ANAPC7: variants seen among roughly 807,000 people sequenced by gnomAD.
ANAPC7 encodes the protein anaphase promoting complex subunit 7, also known as anaphase-promoting complex subunit 7.
Under a neutral mutation model 63.3 loss-of-function variants are expected in ANAPC7, and 25 were observed. The ratio of observed to expected loss-of-function variants is 0.39; its 90% CI spans 0.29 to 0.55. The LOEUF is 0.55. Ranked by LOEUF, ANAPC7 falls within the 20% of genes least tolerant of loss-of-function variation. ANAPC7 has a pLI of 0.57. For missense variants in ANAPC7, 516 were observed against 691.7 expected (o/e 0.75, Z 2.85); for synonymous variants, 241 against 251.7 (o/e 0.96, Z 0.40).
intron 1 of ANAPC7, among the ~76,000 whole-genome samples, chr12:110,402,332 ATTTT>A (rs758118135): frequency 6.9e-6 from 1 of 144,244 alleles, no homozygotes; most frequent in South Asian, 2.3e-4. Flanking sequence ...GCAATAAAGG[ATTTT>A]TTTTTTTTTT....
chr12:110,375,633 G>T, intron 10 of ANAPC7: 1 of 833,062 alleles, frequency 1.2e-6, no homozygotes, highest in Non-Finnish European at 1.4e-6. Flanking sequence ...ACTTGCCCAA[G>T]ATCACAGGTG....
At chr12:110,400,752 G>T (rs898388346) in intron 1 of ANAPC7, among the ~76,000 whole-genome samples, 1 of 151,824 alleles carries the variant, frequency 6.6e-6, no homozygotes, top group African/African-American at 2.4e-5. Context: ...AAGGTCCAAA[G>T]CACATTAATG....
intron 8 of ANAPC7, 118 bp from the exon 9 acceptor site, chr12:110,377,735 G>A (rs1482687454): frequency 9.9e-6 from 15 of 1,522,758 alleles, no homozygotes; most frequent in South Asian, 6.4e-5. Flanking sequence ...GGCAGGCCAC[G>A]GGAAACTGAT....
intron 3 of ANAPC7, among the ~76,000 whole-genome samples, chr12:110,393,146 C>T (rs1883248982): frequency 6.6e-6 from 1 of 152,036 alleles, no homozygotes; most frequent in African/African-American, 2.4e-5. Flanking sequence ...CTATAATATG[C>T]TGCCAAATCA....
At chr12:110,381,423 G>T (rs755099459) in intron 8 of ANAPC7, among the ~76,000 whole-genome samples, 1 of 152,040 alleles carries the variant, frequency 6.6e-6, no homozygotes, top group Non-Finnish European at 1.5e-5. Context: ...TGCAACCTCC[G>T]CCTCCCAGGT....
Position 110,374,014 on chromosome 12 carries a change from G to T in ANAPC7, c.*130C>A. On this transcript the variant is annotated 3_prime_UTR_variant, in exon 11 of 11. Coordinates refer to ENST00000455511, the MANE Select transcript of ANAPC7 (RefSeq NM_016238.3). ...GTCACGACTAGGAATTGGGAGCGAG[G>T]GGGCAGAGACCCCTGCTGCAATCAC... The T allele has an allele frequency of 1.9e-6, 2 of 1,061,438 alleles. No homozygotes were observed. Among genetic ancestry groups the T allele is most frequent in the Non-Finnish European group, 2.6e-6 (2 of 760,310 alleles). 65.8% of individuals were successfully genotyped at this position (1,061,438 alleles called of 1,614,324 possible).
At position 110,374,918 on chromosome 12, in the gene ANAPC7, C is replaced by T. The variant is rs1480367262; in HGVS notation, c.1509-585G>A. 2.6e-5 allele frequency among the ~76,000 whole-genome samples: 4 copies of T among 151,852 alleles called. No individual in the cohort carries two copies. The East Asian group carries it at 7.8e-4, about 29-fold the overall frequency. ...CAGCTGAGTGTCAGTACATACGCCA[C>T]CCCCACCCCCAAAGTTCAGAGCCTC... On this transcript the variant is annotated intron_variant, in intron 10 of 10. Transcript: ENST00000455511.
chr12:110,386,292 A>G lies in ANAPC7; in HGVS notation c.817+35T>C, dbSNP rs373539186. ...CTATTATCTCTGATCCCCCCCAACA[A>G]CAGCCACTGTCTTCCTGCCCCAAGA... On this transcript the variant is annotated intron_variant, in intron 6 of 10. Coordinates refer to ENST00000455511, the MANE Select transcript of ANAPC7 (RefSeq NM_016238.3). 47 of 1,612,122 alleles carry G rather than the reference A, an allele frequency of 2.9e-5. No homozygotes were observed. In the Admixed American group the frequency reaches 4.5e-4, roughly 15 times the overall value.
intron 5 of ANAPC7, chr12:110,387,433 C>CAGAG (rs1882709842): frequency 2.5e-5 from 1 of 40,284 alleles, no homozygotes; most frequent in Non-Finnish European, 4.4e-5. Context: ...GAGAGAGAGA[C>CAGAG]CGACCTTGTC....
intron 6 of ANAPC7, among the ~76,000 whole-genome samples, chr12:110,386,123 A>G (rs770740746): frequency 1.2e-4 from 19 of 152,200 alleles, no homozygotes; most frequent in Non-Finnish European, 2.2e-4. Flanking sequence ...AGACACTTGA[A>G]TTCAAGCAAA....
intron 3 of ANAPC7, among the ~76,000 whole-genome samples, chr12:110,390,633 T>C (rs1346097011): frequency 1.3e-5 from 2 of 152,168 alleles, no homozygotes; most frequent in East Asian, 1.9e-4. Context: ...ATACTAAAAA[T>C]AAAACTATTT....
intron 4 of ANAPC7, 131 bp downstream of exon 4, chr12:110,388,381 G>A (rs912252717): frequency 6.0e-6 from 4 of 671,564 alleles, no homozygotes; most frequent in Non-Finnish European, 7.5e-6. Context: ...GTGACAACAG[G>A]AATCCTACTA....
At chr12:110,382,496 T>TATATA (rs1566264542) in intron 7 of ANAPC7, among the ~76,000 whole-genome samples, 17 of 80,036 alleles carry the variant, frequency 2.1e-4, no homozygotes, top group African/African-American at 7.1e-4. Flanking sequence ...ATATATATAT[T>TATATA]TATAGAGACA....
At chr12:110,396,694 T>TTA (rs398116863) in intron 1 of ANAPC7, among the ~76,000 whole-genome samples, 9 of 150,942 alleles carry the variant, frequency 6.0e-5, no homozygotes, top group Admixed American at 6.6e-5. Flanking sequence ...TTTTTTTTTT[T>TTA]AGTAGACATG....
At position 110,403,646 on chromosome 12, in the gene ANAPC7, G is replaced by T; in HGVS notation, c.-19C>A. On this transcript the variant is annotated 5_prime_UTR_variant, in exon 1 of 11. Transcript: ENST00000455511. ...CATTCATCCTGCTCTGCAAAGCCGC[G>T]GGCAGCGGCGGCAGCACTGACTCGA... 6.3e-7 allele frequency: 1 copy of T among 1,579,472 alleles called. No individual in the cohort carries two copies. Among genetic ancestry groups the T allele is most frequent in the East Asian group, 2.3e-5 (1 of 43,306 alleles).
intron 1 of ANAPC7, among the ~76,000 whole-genome samples, chr12:110,396,801 C>G (rs28653722): frequency 0.14 from 21,182 of 151,908 alleles, 2,178 homozygotes; most frequent in African/African-American, 0.29. Flanking sequence ...AGGCGTGAGC[C>G]ATCATGCCTG....
chr12:110,381,751 C>A lies in ANAPC7; in HGVS notation c.1132+1G>T. 1 of 1,612,592 alleles carries A rather than the reference C, an allele frequency of 6.2e-7. No individual in the cohort carries two copies. Among genetic ancestry groups the A allele is most frequent in the Non-Finnish European group, 8.5e-7 (1 of 1,179,922 alleles). On this transcript the variant is annotated splice_donor_variant, in intron 8 of 10. Coordinates refer to ENST00000455511, the MANE Select transcript of ANAPC7 (RefSeq NM_016238.3). LOFTEE classifies it high-confidence loss of function. ...CCATTCACCTATGTTTTCTTTCTTA[C>A]CTTCATAACAATCTAAGCGACAAGG...
In ANAPC7 at chr12:110,396,280, T is replaced by G. The variant is rs1883571105; in HGVS notation, c.274A>C (p.Thr92Pro). The stretch of plus-strand genomic sequence containing the variant: ...TCTCCAATTACCTGACTTTGTGGAG[T>G]AGATGCAGAATTTCCAGTTGAAGGT... Reference protein sequence around the residue: ...VRPSTGNSASTPQSQCLPSEI... With the variant: ...VRPSTGNSASPPQSQCLPSEI... Residue 92 changes from threonine to proline, a missense_variant, in exon 2 of 11, where the codon ACT (threonine) becomes CCT (proline). Thr to Pro is a conservative substitution (Grantham distance 38). Around this residue, in one of 4 missense-constraint regions of ANAPC7, gnomAD observed 185 missense variants for 200.3 expected, o/e 0.92. Transcript: ENST00000455511. 6.2e-7 allele frequency: 1 copy of G among 1,609,322 alleles called. No individual in the cohort carries two copies.
At chr12:110,389,236 C>T (rs768499967) in intron 3 of ANAPC7, among the ~76,000 whole-genome samples, 10 of 152,128 alleles carry the variant, frequency 6.6e-5, no homozygotes, top group Non-Finnish European at 8.8e-5. Flanking sequence ...GAATAACATT[C>T]ATTTAAGAAA....
Sources: gnomAD v4.1 joint callset for allele counts (sites outside exome capture counted in the v4.1 genomes callset) on GRCh38, gnomAD v4.1.1 for gene constraint, gnomAD v4.1.1 regional missense constraint, MANE v1.5 for transcripts, NCBI Gene and HGNC (gene_info 2026-07-23, HGNC 2026-07-21) for gene names.